The following SMIM36 variants were observed in gnomAD, a reference collection of about 807,000 sequenced individuals.
SMIM36 encodes the protein small integral membrane protein 36.
At chr17:55,525,408 T>C in the SMIM36 span, among the ~76,000 whole-genome samples, 2 of 152,158 alleles carry the variant, frequency 1.3e-5, no homozygotes, top group African/African-American at 4.8e-5. Context: ...GTCCAAATCC[T>C]ACCTCCCCCA....
the SMIM36 span, among the ~76,000 whole-genome samples, chr17:55,529,724 G>A: frequency 6.6e-6 from 1 of 152,060 alleles, no homozygotes; most frequent in Admixed American, 6.6e-5. Context: ...CCCAGAGGTC[G>A]AGGCTGTGGT....
At chr17:55,461,635 A>C (rs1416517826) in intron 4 of SMIM36, among the ~76,000 whole-genome samples, 1 of 152,184 alleles carries the variant, frequency 6.6e-6, no homozygotes, top group Non-Finnish European at 1.5e-5. Flanking sequence ...AACAAAGAAA[A>C]AACATAAGTA....
intron 4 of SMIM36, among the ~76,000 whole-genome samples, chr17:55,466,791 C>T (rs1424647581): frequency 6.6e-6 from 1 of 152,202 alleles, no homozygotes; most frequent in African/African-American, 2.4e-5. Flanking sequence ...TTGGTGGTAT[C>T]GGAGGTGCCA....
intron 1 of SMIM36, among the ~76,000 whole-genome samples, chr17:55,500,909 A>ATTTTATAAT (rs1303463874): frequency 7.1e-5 from 1 of 14,140 alleles, no homozygotes; most frequent in African/African-American, 1.7e-3. Flanking sequence ...ATTATATTAT[A>ATTTTATAAT]ATATATTATA....
intron 4 of SMIM36, among the ~76,000 whole-genome samples, chr17:55,464,114 C>CA (rs901695385): frequency 5.3e-5 from 8 of 151,712 alleles, no homozygotes; most frequent in African/African-American, 1.7e-4. Flanking sequence ...GGCCCTGTCT[C>CA]AAAAAAATGA....
At chr17:55,495,288 A>G (rs1909789050) in intron 1 of SMIM36, among the ~76,000 whole-genome samples, 1 of 152,210 alleles carries the variant, frequency 6.6e-6, no homozygotes. Context: ...TAATAGGTAA[A>G]TCATTCACAA....
intron 1 of SMIM36, among the ~76,000 whole-genome samples, chr17:55,501,010 T>TATAA (rs1567870716): frequency 3.4e-5 from 2 of 58,332 alleles, no homozygotes; most frequent in Admixed American, 3.8e-4. Flanking sequence ...TAACATATTA[T>TATAA]TATATTTTGT....
intron 1 of SMIM36, among the ~76,000 whole-genome samples, chr17:55,508,386 A>G (rs917064581): frequency 1.0e-4 from 15 of 147,570 alleles, no homozygotes; most frequent in Non-Finnish European, 1.8e-4. Context: ...TTCTCTCTAT[A>G]TATTCCCGTA....
At chr17:55,470,030 C>A (rs768299105) in intron 3 of SMIM36, among the ~76,000 whole-genome samples, 1 of 152,116 alleles carries the variant, frequency 6.6e-6, no homozygotes, top group Non-Finnish European at 1.5e-5. Flanking sequence ...TAAACTGCAG[C>A]GGCCAGGCGT....
chr17:55,507,280 T>A, intron 1 of SMIM36, among the ~76,000 whole-genome samples: 2 of 81,422 alleles, frequency 2.5e-5, no homozygotes, highest in African/African-American at 1.3e-4. Flanking sequence ...CATGCACACG[T>A]ATGTTTATTG....
chr17:55,451,986 G>C (rs1455450509), intron 4 of SMIM36, among the ~76,000 whole-genome samples: 1 of 151,256 alleles, frequency 6.6e-6, no homozygotes, highest in African/African-American at 2.4e-5. Flanking sequence ...GGTGCCCTCA[G>C]CAACTTGGGA....
intron 3 of SMIM36, chr17:55,468,450 G>A (rs992888584): frequency 9.8e-5 from 15 of 153,132 alleles, no homozygotes; most frequent in East Asian, 7.7e-4. Context: ...TAAAAACTCC[G>A]ACGTCGGTCA....
intron 1 of SMIM36, among the ~76,000 whole-genome samples, chr17:55,485,421 G>A (rs1381671902): frequency 6.6e-6 from 1 of 150,898 alleles, no homozygotes; most frequent in South Asian, 2.1e-4. Flanking sequence ...AAGTAGCTGG[G>A]ACCACAGGTG....
the SMIM36 span, among the ~76,000 whole-genome samples, chr17:55,529,446 A>C: frequency 6.6e-6 from 1 of 151,904 alleles, no homozygotes; most frequent in African/African-American, 2.4e-5. Context: ...GACATGGTGA[A>C]ATGCCCTCTA....
the SMIM36 span, among the ~76,000 whole-genome samples, chr17:55,528,328 A>T: frequency 6.6e-6 from 1 of 152,090 alleles, no homozygotes; most frequent in Non-Finnish European, 1.5e-5. Context: ...GGATTATTCA[A>T]GGAAGTTCTT....
chr17:55,492,242 CTTTTTT>C (rs770501215), intron 1 of SMIM36, among the ~76,000 whole-genome samples: 3 of 111,286 alleles, frequency 2.7e-5, no homozygotes, highest in Non-Finnish European at 5.3e-5. Flanking sequence ...TTCTTTCTTT[CTTTTTT>C]TTTTTTTTTT....
At chr17:55,508,613 A>T (rs1265630572) in intron 1 of SMIM36, among the ~76,000 whole-genome samples, 1 of 151,666 alleles carries the variant, frequency 6.6e-6, no homozygotes, top group Non-Finnish European at 1.5e-5. Flanking sequence ...CATTCAGTTT[A>T]TATTTTCATT....
chr17:55,497,955 C>T (rs1439902665), intron 1 of SMIM36, among the ~76,000 whole-genome samples: 2 of 152,158 alleles, frequency 1.3e-5, no homozygotes, highest in African/African-American at 2.4e-5. Flanking sequence ...TAACAAAGTA[C>T]TGCAAACCAT....
At chr17:55,464,598 G>C (rs1447991867) in intron 4 of SMIM36, among the ~76,000 whole-genome samples, 6 of 152,184 alleles carry the variant, frequency 3.9e-5, no homozygotes, top group Non-Finnish European at 8.8e-5. Flanking sequence ...CTTCAACTCA[G>C]GTTTAAAAGG....
Sources: allele counts gnomAD v4.1 joint callset (sites outside exome capture counted in the v4.1 genomes callset), GRCh38; gene constraint gnomAD v4.1.1; transcripts MANE v1.5; gene names NCBI Gene and HGNC (gene_info 2026-07-23, HGNC 2026-07-21).